ZBTB20: variants seen among roughly 807,000 people sequenced by gnomAD.
ZBTB20 encodes zinc finger and BTB domain-containing protein 20.
Under a neutral mutation model 56.9 loss-of-function variants are expected in ZBTB20, and 9 were observed. The observed-to-expected ratio is 0.16, with a 90% CI of 0.10 to 0.28. The LOEUF is 0.28. Among genes scored for constraint, ZBTB20 ranks in the 10% least tolerant of loss-of-function variants. The probability of loss-of-function intolerance (pLI) is 1.00; values close to 1 mark genes in which losing one functional copy is unlikely to be tolerated. For synonymous variants in ZBTB20, 417 were observed against 420.7 expected, an observed-to-expected ratio of 0.99 and a Z score of 0.11; for missense variants, 655 against 1,003.0, an observed-to-expected ratio of 0.65 and a Z score of 4.69.
intron 6 of ZBTB20, among the ~76,000 whole-genome samples, chr3:114,632,419 C>T (rs981997721): frequency 3.3e-5 from 5 of 152,276 alleles, no homozygotes; most frequent in African/African-American, 4.8e-5. Flanking sequence ...GTCATAAGTC[C>T]GTGTGATTCA....
rs1432421767 is a variant in ZBTB20, at chr3:114,332,231, C to T, written c.*6774G>A. 1 of 152,116 alleles carries T rather than the reference C, an allele frequency of 6.6e-6. No individual in the cohort carries two copies. Among genetic ancestry groups the T allele is most frequent in the Non-Finnish European group, 1.5e-5 (1 of 68,034 alleles). The allele number at this position is 152,116 out of a possible 1,614,324, so 9.4% of individuals were successfully genotyped here. ...ACTGTGGCTAGATTTTGCCCATGATCTGTAGATTATGCTCTTGCACCGGAG... is the reference window on the plus strand; with the variant it reads ...ACTGTGGCTAGATTTTGCCCATGATTTGTAGATTATGCTCTTGCACCGGAG... On this transcript the variant is annotated 3_prime_UTR_variant, in exon 12 of 12. Transcript: ENST00000675478.
intron 7 of ZBTB20, among the ~76,000 whole-genome samples, chr3:114,422,215 T>C (rs1173870031): frequency 2.0e-5 from 3 of 152,172 alleles, no homozygotes; most frequent in African/African-American, 7.2e-5. Flanking sequence ...ATAGCTTTCC[T>C]ATTTTGTTCC....
intron 6 of ZBTB20, among the ~76,000 whole-genome samples, chr3:114,516,688 C>T (rs552410288): frequency 6.6e-6 from 1 of 152,208 alleles, no homozygotes; most frequent in East Asian, 1.9e-4. Context: ...GACTAGTGTA[C>T]TTATAAAAAA....
At chr3:114,342,813 C>A (rs1366133172) in intron 11 of ZBTB20, among the ~76,000 whole-genome samples, 1 of 152,080 alleles carries the variant, frequency 6.6e-6, no homozygotes, top group Non-Finnish European at 1.5e-5. Flanking sequence ...ATCAGTAAAA[C>A]AAGTGATTAT....
intron 4 of ZBTB20, among the ~76,000 whole-genome samples, chr3:114,830,392 C>G (rs912928203): frequency 6.6e-6 from 1 of 151,862 alleles, no homozygotes; most frequent in Non-Finnish European, 1.5e-5. Flanking sequence ...GTTCATGGTT[C>G]CTTATCCAAA....
At chr3:114,397,058 A>G (rs914155312) in intron 7 of ZBTB20, among the ~76,000 whole-genome samples, 1 of 152,136 alleles carries the variant, frequency 6.6e-6, no homozygotes, top group African/African-American at 2.4e-5. Context: ...ATCTTGCCCC[A>G]TGATCAACCA....
At chr3:114,850,566 C>A (rs985528949) in intron 4 of ZBTB20, among the ~76,000 whole-genome samples, 3 of 152,128 alleles carry the variant, frequency 2.0e-5, no homozygotes, top group African/African-American at 4.8e-5. Context: ...ATTTTACAGA[C>A]GAGGAAACTA....
chr3:114,770,228 C>CA (rs2069102160), intron 5 of ZBTB20, among the ~76,000 whole-genome samples: 1 of 151,884 alleles, frequency 6.6e-6, no homozygotes, highest in African/African-American at 2.4e-5. Context: ...CACCTGAGGT[C>CA]AGGAGTTCAA....
intron 5 of ZBTB20, among the ~76,000 whole-genome samples, chr3:114,774,793 A>C (rs1194713574): frequency 1.3e-5 from 2 of 152,042 alleles, no homozygotes; most frequent in South Asian, 4.1e-4. Flanking sequence ...TTTGTTAATT[A>C]ATTCATTTTA....
intron 1 of ZBTB20, among the ~76,000 whole-genome samples, chr3:115,085,058 A>G (rs1187924870): frequency 6.6e-6 from 1 of 151,952 alleles, no homozygotes; most frequent in African/African-American, 2.4e-5. Context: ...CATCTTTTCC[A>G]AAAAAAGATA....
At chr3:114,660,257 T>C (rs2060645700) in intron 6 of ZBTB20, among the ~76,000 whole-genome samples, 1 of 152,200 alleles carries the variant, frequency 6.6e-6, no homozygotes, top group African/African-American at 2.4e-5. Flanking sequence ...GGCTTTCGTT[T>C]CCCTCGGTTG....
chr3:114,564,760 C>G (rs1006044162), intron 6 of ZBTB20, among the ~76,000 whole-genome samples: 1 of 152,180 alleles, frequency 6.6e-6, no homozygotes, highest in Non-Finnish European at 1.5e-5. Flanking sequence ...AGCTGAGAAC[C>G]AACCAGGACA....
intron 7 of ZBTB20, among the ~76,000 whole-genome samples, chr3:114,497,185 A>G (rs2043377095): frequency 6.6e-6 from 1 of 152,224 alleles, no homozygotes; most frequent in Non-Finnish European, 1.5e-5. Flanking sequence ...CCCCTACTGC[A>G]CAGTTCAGGC....
Position 114,979,011 on chromosome 3 carries a change from A to G in ZBTB20, c.-506-4595T>C, listed in dbSNP as rs1391349147. ...TAGAGAAAAAAAAATGTAAGGAAGG[A>G]AAGGAGAAAGGGCAGGTATCGTGAG... On this transcript the variant is annotated intron_variant, in intron 2 of 11. Coordinates refer to ENST00000675478, the MANE Select transcript of ZBTB20 (RefSeq NM_001348800.3). 2.6e-5 allele frequency among the ~76,000 whole-genome samples: 4 copies of G among 151,902 alleles called. No individual in the cohort carries two copies. The East Asian group carries it at 7.7e-4, about 29-fold the overall frequency.
At chr3:114,656,139 T>G (rs1013409401) in intron 6 of ZBTB20, among the ~76,000 whole-genome samples, 1 of 152,228 alleles carries the variant, frequency 6.6e-6, no homozygotes, top group Non-Finnish European at 1.5e-5. Context: ...ACATTTAGTA[T>G]GAGGAATGAG....
chr3:114,661,297 G>A (rs923610931), intron 6 of ZBTB20, among the ~76,000 whole-genome samples: 5 of 152,108 alleles, frequency 3.3e-5, no homozygotes, highest in African/African-American at 1.2e-4. Context: ...CTTTGGTAAT[G>A]AGGGAGAGAA....
intron 1 of ZBTB20, among the ~76,000 whole-genome samples, chr3:115,079,575 G>C (rs1027182445): frequency 6.6e-6 from 1 of 152,114 alleles, no homozygotes; most frequent in Non-Finnish European, 1.5e-5. Context: ...TATTGGTAGA[G>C]ATGGGGTTTC....
At chr3:114,502,834 C>T (rs934076171) in intron 6 of ZBTB20, 1 of 147,648 alleles carries the variant, frequency 6.8e-6, no homozygotes, top group Non-Finnish European at 1.5e-5. Flanking sequence ...TTCTTTCCCT[C>T]TCCTTTTTTG....
intron 6 of ZBTB20, among the ~76,000 whole-genome samples, chr3:114,605,311 A>C (rs980207737): frequency 6.6e-6 from 1 of 152,188 alleles, no homozygotes; most frequent in African/African-American, 2.4e-5. Flanking sequence ...AGCCACAGAC[A>C]AGAGCAGGGG....
Sources: allele counts gnomAD v4.1 joint callset (sites outside exome capture counted in the v4.1 genomes callset), GRCh38; gene constraint gnomAD v4.1.1; transcripts MANE v1.5; gene names NCBI Gene and HGNC (gene_info 2026-07-23, HGNC 2026-07-21).